RAP1GAP: variants seen among roughly 807,000 people sequenced by gnomAD.
RAP1GAP encodes the protein RAP1 GTPase activating protein.
In RAP1GAP, 35 loss-of-function variants were observed where a neutral mutation model predicts 87.2. The observed-to-expected ratio is 0.40, with a 90% CI of 0.31 to 0.53. The LOEUF is 0.53. Among genes scored for constraint, RAP1GAP ranks in the 20% least tolerant of loss-of-function variants. RAP1GAP has a pLI of 0.48. For synonymous variants in RAP1GAP, 375 were observed against 363.9 expected, an observed-to-expected ratio of 1.03 and a Z score of -0.35; for missense variants, 734 against 898.9, an observed-to-expected ratio of 0.82 and a Z score of 2.35.
At chr1:21,653,200 C>A (rs1244123382) in intron 1 of RAP1GAP, 1 of 152,232 alleles carries the variant, frequency 6.6e-6, no homozygotes, top group Non-Finnish European at 1.5e-5. Flanking sequence ...TCCTCTCTCA[C>A]ACCAATTACT....
rs950703987 is a variant in RAP1GAP at position 21,613,079 on chromosome 1, T to C, written c.528+97A>G. ...ATTGTGAGGATTAAATGAGAGAACC[T>C]TGGGAAAGTATCTGGCACACAGAAG... On this transcript the variant is annotated intron_variant, in intron 10 of 24. Coordinates refer to ENST00000374765, the MANE Select transcript of RAP1GAP (RefSeq NM_002885.4). This position sits in a 1 kb window ranked among gnomAD's most constrained non-coding sequence, Gnocchi z 4.7. The C allele has an allele frequency of 5.3e-6, 7 of 1,313,532 alleles. No individual in the cohort carries two copies. The highest frequency in any genetic ancestry group is 4.8e-5 in the South Asian group (4 of 82,702). The allele number at this position is 1,313,532 out of a possible 1,614,324, so 81.4% of individuals were successfully genotyped here. A position where few individuals can be genotyped will look rare whatever the true frequency, so the allele number is the denominator to read the frequency against.
intron 2 of RAP1GAP, among the ~76,000 whole-genome samples, chr1:21,640,412 G>C (rs79822134): frequency 8.1e-4 from 124 of 152,322 alleles, no homozygotes; most frequent in African/African-American, 2.8e-3. Flanking sequence ...GTTTCTTCAG[G>C]TCATGCCTGG....
At chr1:21,632,647 C>T (rs1483866227) in intron 2 of RAP1GAP, among the ~76,000 whole-genome samples, 1 of 152,170 alleles carries the variant, frequency 6.6e-6, no homozygotes, top group East Asian at 1.9e-4. Context: ...TGTCTGTAAT[C>T]CCAGCACTTT....
intron 19 of RAP1GAP, 134 bp from the exon 20 acceptor site, chr1:21,601,931 T>C: frequency 1.7e-6 from 1 of 585,102 alleles, no homozygotes; most frequent in Non-Finnish European, 2.9e-6. Flanking sequence ...GGGCCAGCCC[T>C]GGAGCAGTCT....
intron 2 of RAP1GAP, among the ~76,000 whole-genome samples, chr1:21,632,445 A>G (rs1186513252): frequency 6.6e-6 from 1 of 152,218 alleles, no homozygotes; most frequent in Admixed American, 6.5e-5. Flanking sequence ...GGCAGTCACT[A>G]GGATCCCCAA....
At chr1:21,620,615 C>T (rs757743120) in intron 3 of RAP1GAP, among the ~76,000 whole-genome samples, 4 of 152,186 alleles carry the variant, frequency 2.6e-5, no homozygotes, top group Non-Finnish European at 5.9e-5. Context: ...CCAGGGCACA[C>T]GCAGAGTTAA....
chr1:21,629,409 T>C (rs1285435082), intron 2 of RAP1GAP, among the ~76,000 whole-genome samples: 1 of 152,188 alleles, frequency 6.6e-6, no homozygotes, highest in Non-Finnish European at 1.5e-5. Flanking sequence ...TAGGTGTCCA[T>C]TTCACTCAGG....
Position 21,597,694 on chromosome 1 carries a change from T to C in RAP1GAP, c.*26A>G, listed in dbSNP as rs1163875833. ...GAGGGGCTGGGTCTAACCTGCTCAGTTTCACCTTCAGAGGGGGTGGCCCGG... is the reference window on the plus strand; with the variant it reads ...GAGGGGCTGGGTCTAACCTGCTCAGCTTCACCTTCAGAGGGGGTGGCCCGG... On this transcript the variant is annotated 3_prime_UTR_variant, in exon 24 of 25. Transcript: ENST00000374765. 2 of 1,611,658 alleles carry C rather than the reference T, an allele frequency of 1.2e-6. No homozygotes were observed. Among genetic ancestry groups the C allele is most frequent in the Admixed American group, 1.7e-5 (1 of 59,944 alleles).
chr1:21,651,836 C>T, intron 1 of RAP1GAP: 1 of 1,176,452 alleles, frequency 8.5e-7, no homozygotes, highest in Admixed American at 4.4e-5. Context: ...GCCGCCGCCG[C>T]CGCCCGGCCC....
At chr1:21,625,967 C>T (rs747840357) in intron 3 of RAP1GAP, among the ~76,000 whole-genome samples, 3 of 152,192 alleles carry the variant, frequency 2.0e-5, no homozygotes, top group Non-Finnish European at 4.4e-5. Context: ...AGTGGGTCCT[C>T]TCATTGCACC....
rs1186926147 is a variant in RAP1GAP, at chr1:21,641,461, G to A, written c.-113+8300C>T. ...CTCCCTGATACCCTTGGCAAAGCCAGGCCTTGCACCCACCCCATCCGTACT... is the reference window on the plus strand; with the variant it reads ...CTCCCTGATACCCTTGGCAAAGCCAAGCCTTGCACCCACCCCATCCGTACT... On this transcript the variant is annotated intron_variant, in intron 2 of 24. Coordinates refer to ENST00000374765, the MANE Select transcript of RAP1GAP (RefSeq NM_002885.4). Among the ~76,000 whole-genome samples the A allele has an allele frequency of 2.6e-5, 4 of 152,262 alleles. No homozygotes were observed. In the South Asian group the frequency reaches 6.2e-4, roughly 24 times the overall value.
intron 1 of RAP1GAP, chr1:21,651,807 G>A (rs2096594722): frequency 7.6e-7 from 1 of 1,316,832 alleles, no homozygotes; most frequent in African/African-American, 1.6e-5. Context: ...GTGAAGCTGC[G>A]CTTCCGGCCG....
At chr1:21,641,113 T>C (rs1480322503) in intron 2 of RAP1GAP, among the ~76,000 whole-genome samples, 2 of 137,130 alleles carry the variant, frequency 1.5e-5, no homozygotes, top group Non-Finnish European at 1.5e-5. Flanking sequence ...AAAGATAGGG[T>C]TTCACCATGT....
intron 1 of RAP1GAP, among the ~76,000 whole-genome samples, chr1:21,664,148 G>A (rs571372678): frequency 6.6e-6 from 1 of 152,314 alleles, no homozygotes; most frequent in South Asian, 2.1e-4. Flanking sequence ...ACAGCCCCCG[G>A]CTCTCCAGCT....
intron 1 of RAP1GAP, among the ~76,000 whole-genome samples, chr1:21,658,940 G>C (rs1444936145): frequency 1.0e-4 from 7 of 68,066 alleles, no homozygotes; most frequent in South Asian, 5.4e-4. Flanking sequence ...AATGAAGAAC[G>C]CTTTTTTTTT....
chr1:21,609,860 G>A lies in RAP1GAP; in HGVS notation c.1000-214C>T, dbSNP rs960514217. Among the ~76,000 whole-genome samples, 8 of 152,192 alleles carry A rather than the reference G, an allele frequency of 5.3e-5. No individual in the cohort carries two copies. The highest frequency in any genetic ancestry group is 3.9e-4 in the Admixed American group (6 of 15,280). Reference sequence around the variant, plus strand: ...ATGGGTAGGGGCCTTAGGAATCATCGGGATGGTGAAGGCAGAGGAGGCTAC... The same window carrying A: ...ATGGGTAGGGGCCTTAGGAATCATCAGGATGGTGAAGGCAGAGGAGGCTAC... On this transcript the variant is annotated intron_variant, in intron 14 of 24. Coordinates refer to ENST00000374765, the MANE Select transcript of RAP1GAP (RefSeq NM_002885.4). The surrounding 1 kb of genome is among the most constrained non-coding windows in gnomAD (Gnocchi z 4.4).
chr1:21,656,457 C>T (rs1251459873), intron 1 of RAP1GAP, among the ~76,000 whole-genome samples: 2 of 145,294 alleles, frequency 1.4e-5, no homozygotes, highest in Admixed American at 6.7e-5. Flanking sequence ...AAAAAAAAGA[C>T]CTAACAACGG....
chr1:21,667,091 G>T (rs1571587867), intron 1 of RAP1GAP, among the ~76,000 whole-genome samples: 1 of 152,154 alleles, frequency 6.6e-6, no homozygotes, highest in South Asian at 2.1e-4. Flanking sequence ...TCAGGTCTCG[G>T]TTGTTTGCAC....
chr1:21,601,355 C>T (rs12759525), intron 20 of RAP1GAP, among the ~76,000 whole-genome samples: 35,440 of 152,012 alleles, frequency 0.23, 4,312 homozygotes, highest in African/African-American at 0.29. Flanking sequence ...CCCCCAGTCC[C>T]TCTTCATCCC....
Sources: allele counts gnomAD v4.1 joint callset (sites outside exome capture counted in the v4.1 genomes callset), GRCh38; gene constraint gnomAD v4.1.1; non-coding constraint Gnocchi (gnomAD v3.1); transcripts MANE v1.5; gene names NCBI Gene and HGNC (gene_info 2026-07-23, HGNC 2026-07-21).